Variants in NELL1 observed in about 807,000 individuals in gnomAD.
NELL1 encodes neural EGFL like 1.
A neutral mutation model predicts 107.4 loss-of-function variants in NELL1; 76 were observed. That is an observed-to-expected ratio of 0.71 (90% CI 0.59 to 0.86). The LOEUF is 0.86. Ranked by LOEUF, NELL1 falls within the 40% of genes least tolerant of loss-of-function variation. The probability of loss-of-function intolerance (pLI) is 0.00; values close to 1 mark genes in which losing one functional copy is unlikely to be tolerated. For missense variants in NELL1, 1,024 were observed against 1,005.5 expected, an observed-to-expected ratio of 1.02 and a Z score of -0.25; for synonymous variants, 353 against 341.2, an observed-to-expected ratio of 1.03 and a Z score of -0.38.
At position 21,431,431 on chromosome 11, in the gene NELL1, A is replaced by G. The variant is rs557320948; in HGVS notation, c.1645+60483A>G. ...ATCTGTTAATTTGTTTTGTTCACTA[A>G]TATTTCCCAAGTACCTTGAATAATG... On this transcript the variant is annotated intron_variant, in intron 15 of 19. Coordinates refer to ENST00000357134, the MANE Select transcript of NELL1 (RefSeq NM_006157.5). Among the ~76,000 whole-genome samples, 4 of 152,266 alleles carry G rather than the reference A, an allele frequency of 2.6e-5. No individual in the cohort carries two copies. The South Asian group carries it at 8.3e-4, about 32-fold the overall frequency.
At chr11:21,549,893 G>A (rs1287511390) in intron 16 of NELL1, among the ~76,000 whole-genome samples, 1 of 151,768 alleles carries the variant, frequency 6.6e-6, no homozygotes, top group African/African-American at 2.4e-5. Flanking sequence ...AGAAATGACT[G>A]GGTGTTTTAG....
intron 15 of NELL1, among the ~76,000 whole-genome samples, chr11:21,489,876 C>T (rs928445788): frequency 1.3e-5 from 2 of 151,818 alleles, no homozygotes; most frequent in African/African-American, 2.4e-5. Context: ...ATTTTTCTTC[C>T]GAGATCTGTA....
At chr11:21,553,961 T>C (rs1471401116) in intron 16 of NELL1, among the ~76,000 whole-genome samples, 1 of 151,916 alleles carries the variant, frequency 6.6e-6, no homozygotes, top group Non-Finnish European at 1.5e-5. Context: ...AGTCATTTAG[T>C]AGACTGCAGC....
chr11:21,517,741 A>G (rs1210954939), intron 15 of NELL1, among the ~76,000 whole-genome samples: 1 of 152,168 alleles, frequency 6.6e-6, no homozygotes, highest in African/African-American at 2.4e-5. Context: ...ATGGGCAATG[A>G]CATTATCCTT....
At chr11:21,149,676 G>A (rs557626959) in intron 13 of NELL1, among the ~76,000 whole-genome samples, 172 of 152,248 alleles carry the variant, frequency 1.1e-3, no homozygotes, top group African/African-American at 3.8e-3. Flanking sequence ...GTTTTTTCAT[G>A]TAGTCAAACA....
chr11:21,229,124 TG>T (rs1226692204), intron 13 of NELL1, among the ~76,000 whole-genome samples: 1 of 152,140 alleles, frequency 6.6e-6, no homozygotes, highest in Admixed American at 6.5e-5. Context: ...TTGACTTCTC[TG>T]ATACTGTTTC....
intron 14 of NELL1, among the ~76,000 whole-genome samples, chr11:21,294,454 C>G (rs1387146819): frequency 6.6e-6 from 1 of 152,032 alleles, no homozygotes; most frequent in African/African-American, 2.4e-5. Flanking sequence ...CCTTGTATTA[C>G]CCAGCACAGT....
intron 4 of NELL1, among the ~76,000 whole-genome samples, chr11:20,872,641 C>T (rs931058306): frequency 2.7e-5 from 4 of 149,796 alleles, no homozygotes; most frequent in Admixed American, 1.3e-4. Context: ...ATACTAATCC[C>T]TGCTTGAATG....
intron 15 of NELL1, among the ~76,000 whole-genome samples, chr11:21,419,653 A>T (rs1223098129): frequency 6.6e-6 from 1 of 152,168 alleles, no homozygotes; most frequent in Non-Finnish European, 1.5e-5. Flanking sequence ...TATTTATAAT[A>T]TGACTTCAAA....
chr11:20,821,396 G>A (rs1268501425), intron 3 of NELL1, among the ~76,000 whole-genome samples: 1 of 152,162 alleles, frequency 6.6e-6, no homozygotes, highest in African/African-American at 2.4e-5. Context: ...TTGAGCTTAA[G>A]TATGATTATG....
chr11:20,787,007 CAAA>C lies in NELL1; in HGVS notation c.335+3199_335+3201del, dbSNP rs71443763. The stretch of plus-strand genomic sequence containing the variant: ...TAGGCGAAAGAGCGAGACTCCGTCT[CAAA>C]AAAAAAAAAAAAAAAAAAAAAGGAA... On this transcript the variant is annotated intron_variant, in intron 3 of 19. Coordinates refer to ENST00000357134, the MANE Select transcript of NELL1 (RefSeq NM_006157.5). Among the ~76,000 whole-genome samples the C allele has an allele frequency of 2.0e-4, 12 of 60,848 alleles. No homozygotes were observed. The East Asian group carries it at 4.4e-3, about 22-fold the overall frequency. The allele number at this position is 60,848 out of a possible 152,430, so 39.9% of individuals were successfully genotyped here. A position where few individuals can be genotyped will look rare whatever the true frequency, so the allele number is the denominator to read the frequency against.
At position 20,827,523 on chromosome 11, in the gene NELL1, A is replaced by C. The variant is rs189707387; in HGVS notation, c.336-20060A>C. 2.6e-5 allele frequency among the ~76,000 whole-genome samples: 4 copies of C among 151,344 alleles called. No homozygotes were observed. The Admixed American group carries it at 2.7e-4, about 10-fold the overall frequency. ...AAAGTTAGAGGCCTAGACTCTGTCC[A>C]CTTCGTCATTCTTCCATCTTCAACA... On this transcript the variant is annotated intron_variant, in intron 3 of 19. Transcript: ENST00000357134.
chr11:21,078,961 T>C (rs1854203310), intron 12 of NELL1, among the ~76,000 whole-genome samples: 2 of 151,744 alleles, frequency 1.3e-5, no homozygotes, highest in South Asian at 2.1e-4. Flanking sequence ...GTATAAATGG[T>C]TTAGCTTCCC....
chr11:21,496,546 A>G (rs1223563249), intron 15 of NELL1, among the ~76,000 whole-genome samples: 1 of 151,428 alleles, frequency 6.6e-6, no homozygotes, highest in Non-Finnish European at 1.5e-5. Flanking sequence ...AGTAGCTGGG[A>G]CTACAGGCGC....
At chr11:21,397,937 G>A (rs1852016852) in intron 15 of NELL1, among the ~76,000 whole-genome samples, 1 of 151,430 alleles carries the variant, frequency 6.6e-6, no homozygotes. Context: ...CTTGAACCTT[G>A]ATCTTGGACT....
intron 4 of NELL1, among the ~76,000 whole-genome samples, chr11:20,864,183 A>AT (rs1554934207): frequency 6.6e-6 from 1 of 152,068 alleles, no homozygotes; most frequent in Non-Finnish European, 1.5e-5. Context: ...AATTAAAAAA[A>AT]TTTTTTAAAT....
chr11:20,756,516 A>ATTTTTTT (rs753445309), intron 2 of NELL1, among the ~76,000 whole-genome samples: 2 of 97,322 alleles, frequency 2.1e-5, no homozygotes, highest in African/African-American at 8.1e-5. Context: ...ATTTTTTGTA[A>ATTTTTTT]TTTTTTTTTT....
At chr11:21,450,302 G>T (rs1430501259) in intron 15 of NELL1, among the ~76,000 whole-genome samples, 1 of 152,032 alleles carries the variant, frequency 6.6e-6, no homozygotes, top group Non-Finnish European at 1.5e-5. Flanking sequence ...AATATGTGTG[G>T]GGGATTTTCA....
At chr11:21,140,558 C>T (rs1485909094) in intron 13 of NELL1, among the ~76,000 whole-genome samples, 1 of 152,158 alleles carries the variant, frequency 6.6e-6, no homozygotes, top group East Asian at 1.9e-4. Context: ...TTGGATGAGG[C>T]TTTGGTCACA....
Sources: gnomAD v4.1 joint callset for allele counts (sites outside exome capture counted in the v4.1 genomes callset) on GRCh38, gnomAD v4.1.1 for gene constraint, MANE v1.5 for transcripts, NCBI Gene and HGNC (gene_info 2026-07-23, HGNC 2026-07-21) for gene names.